The following CTNND2 variants were observed in gnomAD, a reference collection of about 807,000 sequenced individuals.
The protein encoded by CTNND2 is catenin delta-2.
Under a neutral mutation model 144.4 loss-of-function variants are expected in CTNND2, and 22 were observed. The observed-to-expected ratio is 0.15, with a 90% CI of 0.11 to 0.22. The LOEUF (loss-of-function observed/expected upper bound fraction) is 0.22. Ranked by LOEUF, CTNND2 falls within the 10% of genes least tolerant of loss-of-function variation. CTNND2 has a pLI of 1.00. For missense variants in CTNND2, 1,353 were observed against 1,618.8 expected, an observed-to-expected ratio of 0.84 and a Z score of 2.82; for synonymous variants, 751 against 695.6, an observed-to-expected ratio of 1.08 and a Z score of -1.25.
At chr5:11,702,160 A>G (rs1459430778) in intron 2 of CTNND2, among the ~76,000 whole-genome samples, 1 of 152,166 alleles carries the variant, frequency 6.6e-6, no homozygotes, top group Non-Finnish European at 1.5e-5. Context: ...CATACAGGCA[A>G]AATCAGCAGA....
At chr5:11,612,996 T>C (rs772682274) in intron 2 of CTNND2, among the ~76,000 whole-genome samples, 3 of 152,216 alleles carry the variant, frequency 2.0e-5, no homozygotes, top group Non-Finnish European at 2.9e-5. Context: ...CCATAATTAA[T>C]AGAGTCGCAG....
intron 11 of CTNND2, among the ~76,000 whole-genome samples, chr5:11,165,844 C>G (rs1238565879): frequency 6.6e-6 from 1 of 152,024 alleles, no homozygotes; most frequent in Non-Finnish European, 1.5e-5. Context: ...ATTGTAGTTT[C>G]TTTTTACTGA....
At chr5:11,555,993 T>C (rs914165371) in intron 3 of CTNND2, among the ~76,000 whole-genome samples, 3 of 152,194 alleles carry the variant, frequency 2.0e-5, no homozygotes, top group African/African-American at 7.2e-5. Context: ...TAATTCTGAA[T>C]GACAATTCAA....
At position 11,622,758 on chromosome 5, in the gene CTNND2, C is replaced by T. The variant is rs140339350; in HGVS notation, c.175-57702G>A. The stretch of plus-strand genomic sequence containing the variant: ...TATATTCTGAAGTATTCATTTATAT[C>T]CTGTCTACTTCAAAATGGAGTTGAG... On this transcript the variant is annotated intron_variant, in intron 2 of 21. Transcript: ENST00000304623. Among the ~76,000 whole-genome samples the T allele has an allele frequency of 3.3e-5, 5 of 152,238 alleles. No individual in the cohort carries two copies. The East Asian group carries it at 9.7e-4, about 29-fold the overall frequency.
intron 2 of CTNND2, among the ~76,000 whole-genome samples, chr5:11,676,447 G>A (rs1417705087): frequency 6.6e-6 from 1 of 152,048 alleles, no homozygotes; most frequent in Non-Finnish European, 1.5e-5. Context: ...GGCCAGTGGG[G>A]TGAAAGTCCG....
Position 11,564,983 on chromosome 5 carries a change from C to T in CTNND2, c.248G>A (p.Cys83Tyr). ...GCTGCCAGTCTCGGATCCGAGCTTG[C>T]ATCGCTCCAGCTGGCTGGCTACGAT... The part of the protein sequence containing the change: ...RQIVASQLER[C>Y]KLGSETGSMS... Residue 83 changes from cysteine (C) to tyrosine (Y), a missense_variant, in exon 3 of 22, where the codon TGC becomes TAC. Around this residue, in one of 4 missense-constraint regions of CTNND2, gnomAD observed 708 missense variants for 706.4 expected, o/e 1.00. Transcript: ENST00000304623. The T allele has an allele frequency of 6.2e-7, 1 of 1,614,086 alleles. No homozygotes were observed. Among genetic ancestry groups the T allele is most frequent in the Non-Finnish European group, 8.5e-7 (1 of 1,179,950 alleles).
intron 2 of CTNND2, among the ~76,000 whole-genome samples, chr5:11,630,998 C>A (rs767905529): frequency 6.6e-6 from 1 of 151,930 alleles, no homozygotes. Flanking sequence ...CTCCCAGTCA[C>A]CTGTTTCATA....
At chr5:11,696,968 T>C (rs1342196498) in intron 2 of CTNND2, among the ~76,000 whole-genome samples, 3 of 152,174 alleles carry the variant, frequency 2.0e-5, no homozygotes, top group Non-Finnish European at 4.4e-5. Context: ...ACACTATCCA[T>C]GCTATTTTAA....
intron 1 of CTNND2, among the ~76,000 whole-genome samples, chr5:11,875,957 A>T (rs1204615825): frequency 6.6e-6 from 1 of 152,226 alleles, no homozygotes; most frequent in African/African-American, 2.4e-5. Context: ...TCTCACAAGG[A>T]ATATCCTTGA....
intron 15 of CTNND2, among the ~76,000 whole-genome samples, chr5:11,094,282 T>G (rs1043652349): frequency 6.6e-6 from 1 of 152,074 alleles, no homozygotes; most frequent in African/African-American, 2.4e-5. Flanking sequence ...AGTAATAACA[T>G]TTTCTTGATG....
intron 15 of CTNND2, among the ~76,000 whole-genome samples, chr5:11,095,008 G>A (rs901419643): frequency 6.6e-6 from 1 of 152,212 alleles, no homozygotes; most frequent in Admixed American, 6.5e-5. Context: ...GCTGGAAACA[G>A]TAAGAGGCTA....
At chr5:11,614,605 T>G (rs1780490816) in intron 2 of CTNND2, among the ~76,000 whole-genome samples, 1 of 152,228 alleles carries the variant, frequency 6.6e-6, no homozygotes, top group African/African-American at 2.4e-5. Context: ...CAGAAATGTT[T>G]GTAACAGCAG....
chr5:11,014,934 A>G (rs746330850), intron 18 of CTNND2, among the ~76,000 whole-genome samples: 1 of 152,180 alleles, frequency 6.6e-6, no homozygotes, highest in Admixed American at 6.5e-5. Context: ...GATTTGGTCT[A>G]TAAGTTTCTT....
chr5:11,706,211 G>A (rs1184745355), intron 2 of CTNND2, among the ~76,000 whole-genome samples: 2 of 152,180 alleles, frequency 1.3e-5, no homozygotes, highest in African/African-American at 4.8e-5. Context: ...AGGTTCTGAG[G>A]AGGGGGCCCA....
chr5:11,735,999 G>C (rs1001142027), intron 1 of CTNND2, among the ~76,000 whole-genome samples: 1 of 152,084 alleles, frequency 6.6e-6, no homozygotes, highest in Non-Finnish European at 1.5e-5. Flanking sequence ...CAGGCTCTGA[G>C]CCAGTATTCT....
intron 1 of CTNND2, among the ~76,000 whole-genome samples, chr5:11,853,899 T>C (rs1795132141): frequency 6.6e-6 from 1 of 152,192 alleles, no homozygotes. Context: ...ATTGACAACA[T>C]CATCTCTGAA....
intron 1 of CTNND2, among the ~76,000 whole-genome samples, chr5:11,870,435 T>C (rs1268797456): frequency 6.6e-6 from 1 of 152,224 alleles, no homozygotes; most frequent in Non-Finnish European, 1.5e-5. Flanking sequence ...TAAGATGGAA[T>C]GACAGGTACA....
At position 11,732,309 on chromosome 5, in the gene CTNND2, G is replaced by A. The variant is rs748149883; in HGVS notation, c.38-37C>T. The A allele has an allele frequency of 3.1e-6, 5 of 1,595,878 alleles. No homozygotes were observed. The Admixed American group carries it at 6.7e-5, about 21-fold the overall frequency. The stretch of plus-strand genomic sequence containing the variant: ...GAGGACATGATCAATACAATCAGAT[G>A]TTGACACTAAACAGGTACAACTATC... On this transcript the variant is annotated intron_variant, in intron 1 of 21. Coordinates refer to ENST00000304623, the MANE Select transcript of CTNND2 (RefSeq NM_001332.4).
At chr5:11,554,157 GAATT>G (rs1776013830) in intron 3 of CTNND2, among the ~76,000 whole-genome samples, 1 of 152,060 alleles carries the variant, frequency 6.6e-6, no homozygotes. Flanking sequence ...CAATTTGCAA[GAATT>G]AATATGAAGG....
Sources: gnomAD v4.1 joint callset for allele counts (sites outside exome capture counted in the v4.1 genomes callset) on GRCh38, gnomAD v4.1.1 for gene constraint, gnomAD v4.1.1 regional missense constraint, MANE v1.5 for transcripts, NCBI Gene and HGNC (gene_info 2026-07-23, HGNC 2026-07-21) for gene names.